Variants in WASHC5 observed in about 807,000 individuals in gnomAD.
WASHC5 encodes the protein WASH complex subunit strumpellin.
A neutral mutation model predicts 150.4 loss-of-function variants in WASHC5; 101 were observed. That is an observed-to-expected ratio of 0.67 (90% CI 0.57 to 0.79). The LOEUF (loss-of-function observed/expected upper bound fraction) is 0.79, where lower values mean the gene tolerates loss of function less well. WASHC5 is among the 30% of genes least tolerant of loss of function. The pLI is 0.00. For synonymous variants in WASHC5, 467 were observed against 491.2 expected (o/e 0.95, Z 0.65); for missense variants, 1,195 against 1,396.3 (o/e 0.86, Z 2.30).
intron 28 of WASHC5, among the ~76,000 whole-genome samples, chr8:125,025,504 A>G (rs1563604250): frequency 6.6e-6 from 1 of 152,080 alleles, no homozygotes; most frequent in African/African-American, 2.4e-5. Flanking sequence ...CCTGACTAAC[A>G]TGGAGAAATC....
Position 125,037,273 on chromosome 8 carries a change from C to T in WASHC5, c.3145G>A (p.Ala1049Thr), listed in dbSNP as rs375664674. The T allele has an allele frequency of 3.1e-5, 50 of 1,611,780 alleles. 1 individual carries two copies. Among genetic ancestry groups the T allele is most frequent in the South Asian group, 2.7e-4 (25 of 91,000 alleles). Reference sequence around the variant, plus strand: ...TTGTATTGAAGTTTTGGCAACTGAGCGATCAAAAATAGAAAGTTTACAATT... The same window carrying T: ...TTGTATTGAAGTTTTGGCAACTGAGTGATCAAAAATAGAAAGTTTACAATT... ...FPIVNFLFLI[A>T]QLPKLQYNKN... The change falls in exon 26 of 29, where the codon GCT (alanine) becomes ACT (threonine). Residue 1049 changes from alanine to threonine, a missense_variant. Physicochemically the swap from Ala to Thr is moderately conservative, Grantham distance 58. Coordinates refer to ENST00000318410, the MANE Select transcript of WASHC5 (RefSeq NM_014846.4).
intron 1 of WASHC5, among the ~76,000 whole-genome samples, chr8:125,086,239 C>T (rs1442924666): frequency 6.6e-6 from 1 of 152,174 alleles, no homozygotes; most frequent in African/African-American, 2.4e-5. Context: ...CTGTTTTCTT[C>T]TCAGGCTTCT....
At position 125,075,072 on chromosome 8, in the gene WASHC5, C is replaced by T; in HGVS notation, c.904G>A (p.Asp302Asn). ...IYMGITVNLV[D>N]AWEPYKAAKT... is the part of the protein sequence containing the mutation. Reference sequence around the variant, plus strand: ...GCAGCTTTGTAAGGTTCCCAAGCATCTACTAGATTAACTGTGATCCCCATG... The same window carrying T: ...GCAGCTTTGTAAGGTTCCCAAGCATTTACTAGATTAACTGTGATCCCCATG... Residue 302 changes from aspartate (D) to asparagine (N), a missense_variant, in exon 8 of 29, where the codon GAT (aspartate) becomes AAT (asparagine). Asp to Asn is a conservative substitution (Grantham distance 23, BLOSUM62 1). This residue lies in a region of WASHC5 where 997 missense variants were observed against 1,168.1 expected (regional missense o/e 0.85). Coordinates refer to ENST00000318410, the MANE Select transcript of WASHC5 (RefSeq NM_014846.4). 1 of 1,611,996 alleles carries T rather than the reference C, an allele frequency of 6.2e-7. No homozygotes were observed. The highest frequency in any genetic ancestry group is 8.5e-7 in the Non-Finnish European group (1 of 1,178,260).
intron 28 of WASHC5, among the ~76,000 whole-genome samples, chr8:125,025,561 A>C (rs1023503459): frequency 1.3e-5 from 2 of 151,996 alleles, no homozygotes; most frequent in African/African-American, 4.8e-5. Context: ...GGTGGTACGC[A>C]TCTGTAATCA....
intron 1 of WASHC5, among the ~76,000 whole-genome samples, chr8:125,084,966 G>C (rs1817377062): frequency 6.6e-6 from 1 of 152,112 alleles, no homozygotes. Context: ...GAGAATGACT[G>C]GTCTTATAGA....
chr8:125,059,486 A>G lies in WASHC5; in HGVS notation c.1578T>C (p.Asp526=), dbSNP rs1340926359. The change falls in exon 13 of 29, where the codon GAT becomes GAC. Residue 526 remains aspartate (D), a synonymous_variant. Coordinates refer to ENST00000318410, the MANE Select transcript of WASHC5 (RefSeq NM_014846.4). ...SNLQVCQFLA[D]TRKFLHQMIR... is the part of the protein sequence containing the mutation. The stretch of plus-strand genomic sequence containing the variant: ...TCATTTGATGAAGAAACTTTCGAGT[A>G]TCGGCAAGAAACTGACATACTTGCA... 4 of 1,614,022 alleles carry G rather than the reference A, an allele frequency of 2.5e-6. No individual in the cohort carries two copies. In the Admixed American group the frequency reaches 6.7e-5, roughly 27 times the overall value.
At chr8:125,076,580 G>C (rs1377607335) in intron 6 of WASHC5, 80 bp from the exon 7 acceptor site, 3 of 1,532,004 alleles carry the variant, frequency 2.0e-6, no homozygotes, top group East Asian at 4.5e-5. Context: ...CTCTCTGGTT[G>C]TAAGACACAT....
chr8:125,038,804 C>T (rs528306856), intron 25 of WASHC5, 26 bp downstream of exon 25: 95 of 1,612,828 alleles, frequency 5.9e-5, no homozygotes, highest in Middle Eastern at 1.7e-4. Flanking sequence ...CCCCCATCCC[C>T]GCCATTATAT....
At chr8:125,050,775 T>C (rs1367557773) in intron 17 of WASHC5, 110 bp from the exon 18 acceptor site, 5 of 772,548 alleles carry the variant, frequency 6.5e-6, no homozygotes, top group Non-Finnish European at 1.1e-5. Flanking sequence ...TCCTACCTCC[T>C]CACTAAATGA....
chr8:125,046,234 G>A (rs951317879), intron 20 of WASHC5, among the ~76,000 whole-genome samples: 5 of 152,136 alleles, frequency 3.3e-5, no homozygotes, highest in African/African-American at 1.2e-4. Context: ...GGGTGGACAT[G>A]AGAACCTGCT....
Position 125,050,563 on chromosome 8 carries a change from C to T in WASHC5, c.2199+1G>A, listed in dbSNP as rs141357737. On this transcript the variant is annotated splice_donor_variant, in intron 18 of 28. Coordinates refer to ENST00000318410, the MANE Select transcript of WASHC5 (RefSeq NM_014846.4). LOFTEE classifies it high-confidence loss of function. ...ACAGGCCCACTCTGGTCACTGGGTA[C>T]CTTGGCTCGAGGGTTGAATATCAGT... 20 of 1,612,070 alleles carry T rather than the reference C, an allele frequency of 1.2e-5. No individual in the cohort carries two copies. The highest frequency in any genetic ancestry group is 1.7e-5 in the Non-Finnish European group (20 of 1,178,230).
At chr8:125,075,670 C>A (rs980895359) in intron 7 of WASHC5, among the ~76,000 whole-genome samples, 4 of 152,180 alleles carry the variant, frequency 2.6e-5, no homozygotes, top group Non-Finnish European at 5.9e-5. Context: ...CTAATGTAGG[C>A]TGTTCTCATA....
chr8:125,051,919 A>G (rs11993484), intron 17 of WASHC5, among the ~76,000 whole-genome samples: 16,538 of 152,122 alleles, frequency 0.11, 2,085 homozygotes, highest in African/African-American at 0.3. Context: ...ATAGTTTTTC[A>G]AATGGGCAAA....
In WASHC5 at chr8:125,057,536, C is replaced by T; in HGVS notation, c.1875+20G>A. 1.4e-6 allele frequency: 2 copies of T among 1,460,292 alleles called. No individual in the cohort carries two copies. The highest frequency in any genetic ancestry group is 1.2e-5 in the South Asian group (1 of 86,554). The allele number at this position is 1,460,292 out of a possible 1,614,324, so 90.5% of individuals were successfully genotyped here. On this transcript the variant is annotated intron_variant, in intron 15 of 28. Coordinates refer to ENST00000318410, the MANE Select transcript of WASHC5 (RefSeq NM_014846.4). ...GCAGTTATCTGGCAAGAGTAAATATCACCCTGATGCATTTCTTACTTTTCT... is the reference window on the plus strand; with the variant it reads ...GCAGTTATCTGGCAAGAGTAAATATTACCCTGATGCATTTCTTACTTTTCT...
chr8:125,067,609 C>A lies in WASHC5; in HGVS notation c.1261G>T (p.Glu421Ter). 1 of 1,612,118 alleles carries A rather than the reference C, an allele frequency of 6.2e-7. No individual in the cohort carries two copies. Among genetic ancestry groups the A allele is most frequent in the South Asian group, 1.1e-5 (1 of 90,998 alleles). The change falls in exon 10 of 29, where the codon GAG (glutamate) becomes TAG (stop). Residue 421 changes from glutamate (E) to a stop codon, truncating the protein, a stop_gained. Coordinates refer to ENST00000318410, the MANE Select transcript of WASHC5 (RefSeq NM_014846.4). LOFTEE classifies it high-confidence loss of function. The stretch of plus-strand genomic sequence containing the variant: ...ATTTTTACCTCTTTGAGTATAAACT[C>A]AAATTGTGCAGTATCTAACAGCAGC... ...FQLLLDTAQFEFILKEMFKQM... is the reference protein window; with the variant it reads ...FQLLLDTAQF
At chr8:125,041,232 C>A (rs6982708) in intron 23 of WASHC5, among the ~76,000 whole-genome samples, 16,895 of 152,036 alleles carry the variant, frequency 0.11, 2,207 homozygotes, top group African/African-American at 0.31. Context: ...ACAAAGTATT[C>A]CTAAAAGACT....
chr8:125,083,390 T>C, intron 2 of WASHC5, 132 bp from the exon 3 acceptor site: 1 of 802,432 alleles, frequency 1.2e-6, no homozygotes, highest in East Asian at 2.7e-5. Context: ...CAGAAAGTAG[T>C]GAAGATAATA....
chr8:125,050,423 G>A, intron 18 of WASHC5, 141 bp downstream of exon 18: 1 of 550,420 alleles, frequency 1.8e-6, no homozygotes, highest in Non-Finnish European at 3.3e-6. Context: ...AAGCACATCA[G>A]TTGTTTGTGT....
intron 6 of WASHC5, 71 bp from the exon 7 acceptor site, chr8:125,076,571 T>A: frequency 6.4e-7 from 1 of 1,570,280 alleles, no homozygotes; most frequent in East Asian, 2.2e-5. Context: ...CAAATTAAAC[T>A]CTCTGGTTGT....
Sources: gnomAD v4.1 joint callset for allele counts (sites outside exome capture counted in the v4.1 genomes callset) on GRCh38, gnomAD v4.1.1 for gene constraint, gnomAD v4.1.1 regional missense constraint, MANE v1.5 for transcripts, NCBI Gene and HGNC (gene_info 2026-07-23, HGNC 2026-07-21) for gene names.